NUF2: variants seen among roughly 807,000 people sequenced by gnomAD.
NUF2 encodes the protein kinetochore protein Nuf2.
NUF2 carries 34 observed loss-of-function variants against 61.8 expected under a neutral mutation model. The ratio of observed to expected loss-of-function variants is 0.55; its 90% CI spans 0.42 to 0.73. The LOEUF (loss-of-function observed/expected upper bound fraction) is 0.73, where lower values mean the gene tolerates loss of function less well. Ranked by LOEUF, NUF2 falls within the 30% of genes least tolerant of loss-of-function variation. The pLI, the probability that NUF2 is intolerant of heterozygous loss-of-function variation, is 0.00. For synonymous variants in NUF2, 172 were observed against 181.6 expected (o/e 0.95, Z 0.42); for missense variants, 445 against 539.1 (o/e 0.83, Z 1.73).
At chr1:163,344,964 T>C (rs911901255) in intron 10 of NUF2, among the ~76,000 whole-genome samples, 8 of 152,100 alleles carry the variant, frequency 5.3e-5, no homozygotes, top group Non-Finnish European at 1.0e-4. Flanking sequence ...CTTAAAAAAT[T>C]TAAGTTTTAC....
At chr1:163,327,979 T>C in intron 3 of NUF2, 1 of 398,610 alleles carries the variant, frequency 2.5e-6, no homozygotes, top group Non-Finnish European at 4.4e-6. Context: ...TAGCAAATTA[T>C]TTGCATAATA....
At chr1:163,352,352 C>G (rs1427108152) in intron 13 of NUF2, among the ~76,000 whole-genome samples, 5 of 152,168 alleles carry the variant, frequency 3.3e-5, no homozygotes, top group Non-Finnish European at 1.5e-5. Flanking sequence ...ATCAAATATG[C>G]CTTGAATACT....
chr1:163,332,995 G>GA (rs1650646648), intron 5 of NUF2, among the ~76,000 whole-genome samples: 2 of 152,156 alleles, frequency 1.3e-5, no homozygotes, highest in African/African-American at 4.8e-5. Context: ...TTGGTTAATA[G>GA]CGTTGTTCAA....
At chr1:163,339,592 A>G (rs1650874326) in intron 8 of NUF2, 115 bp downstream of exon 8, 2 of 632,094 alleles carry the variant, frequency 3.2e-6, no homozygotes, top group South Asian at 4.0e-5. Flanking sequence ...GAAACAGAAT[A>G]TATTTCTGTG....
intron 5 of NUF2, among the ~76,000 whole-genome samples, chr1:163,336,109 T>C (rs1299205480): frequency 6.6e-6 from 1 of 152,202 alleles, no homozygotes; most frequent in Non-Finnish European, 1.5e-5. Context: ...TTATGGATCA[T>C]GTCCTTTTTC....
intron 13 of NUF2, among the ~76,000 whole-genome samples, chr1:163,350,743 C>T (rs567049880): frequency 9.3e-5 from 14 of 150,646 alleles, no homozygotes; most frequent in Non-Finnish European, 2.1e-4. Context: ...CACCCAAACA[C>T]ATTGATTAGC....
intron 13 of NUF2, among the ~76,000 whole-genome samples, chr1:163,350,640 T>A (rs1461055098): frequency 6.6e-6 from 1 of 152,220 alleles, no homozygotes; most frequent in East Asian, 1.9e-4. Context: ...TTTCCATAAA[T>A]ATTTATAAAA....
At chr1:163,352,783 G>A (rs984703969) in intron 13 of NUF2, among the ~76,000 whole-genome samples, 11 of 152,000 alleles carry the variant, frequency 7.2e-5, no homozygotes, top group Admixed American at 5.9e-4. Flanking sequence ...GGAGAATGTC[G>A]TGAACCCGGG....
chr1:163,349,873 G>T (rs1043255526), intron 13 of NUF2, among the ~76,000 whole-genome samples: 1 of 151,814 alleles, frequency 6.6e-6, no homozygotes, highest in Non-Finnish European at 1.5e-5. Context: ...CACGTCCATG[G>T]TCTTCCCAAT....
rs1651466417 is a variant in NUF2 at position 163,355,726 on chromosome 1, T to C, written c.*257T>C. ...AATAGTTTGAGTAAAACAAAACTAG[T>C]TACCTTTGAAATATATATATTTTTT... On this transcript the variant is annotated 3_prime_UTR_variant, in exon 14 of 14. Transcript: ENST00000271452. 8.8e-6 allele frequency: 2 copies of C among 226,066 alleles called. No individual in the cohort carries two copies. Among genetic ancestry groups the C allele is most frequent in the East Asian group, 1.8e-4 (2 of 10,972 alleles). 14.0% of individuals were successfully genotyped at this position (226,066 alleles called of 1,614,324 possible).
At position 163,347,887 on chromosome 1, in the gene NUF2, A is replaced by C; in HGVS notation, c.1073A>C (p.Lys358Thr). The C allele has an allele frequency of 6.2e-7, 1 of 1,608,038 alleles. No individual in the cohort carries two copies. Residue 358 changes from lysine (K) to threonine (T), a missense_variant, in exon 12 of 14, where the codon AAA becomes ACA. Transcript: ENST00000271452. The stretch of plus-strand genomic sequence containing the variant: ...GAAAAACTTGCCACAGCACAATTCA[A>C]AATAAATAAGAAGCATGAAGATGTT... ...KKEKLATAQF[K>T]INKKHEDVKQ...
At chr1:163,345,945 G>A (rs1002148197) in intron 11 of NUF2, 127 bp downstream of exon 11, 14 of 596,032 alleles carry the variant, frequency 2.3e-5, no homozygotes, top group Non-Finnish European at 3.3e-5. Flanking sequence ...TATAATAGAT[G>A]TGGCAATGTA....
chr1:163,327,366 G>A, intron 2 of NUF2, 122 bp from the exon 3 acceptor site: 1 of 621,202 alleles, frequency 1.6e-6, no homozygotes, highest in South Asian at 2.3e-5. Flanking sequence ...CAAGGGAAAT[G>A]GAATAATTTT....
chr1:163,330,206 T>C (rs1217109250), intron 5 of NUF2, among the ~76,000 whole-genome samples: 1 of 152,160 alleles, frequency 6.6e-6, no homozygotes, highest in Non-Finnish European at 1.5e-5. Context: ...GATAATGATG[T>C]GTCAGTGCAA....
At chr1:163,326,404 T>TAA (rs35847334) in intron 2 of NUF2, among the ~76,000 whole-genome samples, 37,231 of 147,266 alleles carry the variant, frequency 0.25, 4,744 homozygotes, top group Middle Eastern at 0.4. Context: ...GTCGTTTTCT[T>TAA]AAAAAAAAAA....
At chr1:163,354,076 T>C (rs947760981) in intron 13 of NUF2, among the ~76,000 whole-genome samples, 3 of 152,224 alleles carry the variant, frequency 2.0e-5, no homozygotes, top group African/African-American at 4.8e-5. Context: ...GAAAGTTAAA[T>C]TGATTTATAG....
intron 11 of NUF2, among the ~76,000 whole-genome samples, chr1:163,347,445 C>T (rs1651170917): frequency 6.6e-6 from 1 of 152,300 alleles, no homozygotes; most frequent in Non-Finnish European, 1.5e-5. Context: ...CTACCCTTTT[C>T]CCTTTATTTG....
Position 163,340,352 on chromosome 1 carries a change from T to C in NUF2, c.607-12T>C. 1 of 1,598,222 alleles carries C rather than the reference T, an allele frequency of 6.3e-7. No homozygotes were observed. The highest frequency in any genetic ancestry group is 1.1e-5 in the South Asian group (1 of 88,898). ...TTGAATCATTATAAAACGTGTTTGC[T>C]TTTTCCCTTAGATAGTGCTGCAAGA... On this transcript the variant is annotated splice_polypyrimidine_tract_variant and intron_variant, in intron 8 of 13. Transcript: ENST00000271452.
intron 2 of NUF2, among the ~76,000 whole-genome samples, chr1:163,326,725 T>G (rs2101665614): frequency 6.6e-6 from 1 of 152,288 alleles, no homozygotes; most frequent in East Asian, 1.9e-4. Flanking sequence ...GGACTTGAAG[T>G]GATAACGTAG....
Sources: gnomAD v4.1 joint callset for allele counts (sites outside exome capture counted in the v4.1 genomes callset) on GRCh38, gnomAD v4.1.1 for gene constraint, MANE v1.5 for transcripts, NCBI Gene and HGNC (gene_info 2026-07-23, HGNC 2026-07-21) for gene names.